GMDS: variants seen among roughly 807,000 people sequenced by gnomAD.
GMDS encodes GDP-mannose 4,6-dehydratase.
Under a neutral mutation model 49.9 loss-of-function variants are expected in GMDS, and 20 were observed. The ratio of observed to expected loss-of-function variants is 0.40; its 90% CI spans 0.28 to 0.58. The LOEUF (loss-of-function observed/expected upper bound fraction) is 0.58. GMDS is among the 20% of genes least tolerant of loss of function. GMDS has a pLI of 0.42. For synonymous variants in GMDS, 177 were observed against 178.6 expected, an observed-to-expected ratio of 0.99 and a Z score of 0.07; for missense variants, 362 against 481.4, an observed-to-expected ratio of 0.75 and a Z score of 2.32.
rs142673164 is a variant in GMDS, at chr6:1,874,964, C to T, written c.771+55139G>A. ...TTTAATGTTATTTTACAAATGTATG[C>T]GTAGCTATTCAGTAAATTAAACATT... On this transcript the variant is annotated intron_variant, in intron 7 of 10. Coordinates refer to ENST00000380815, the MANE Select transcript of GMDS (RefSeq NM_001500.4). Among the ~76,000 whole-genome samples the T allele has an allele frequency of 7.1e-3, 1,082 of 152,276 alleles. 5 individuals are homozygous for T. The highest frequency in any genetic ancestry group is 0.011 in the Non-Finnish European group (775 of 68,014).
In GMDS at chr6:1,668,821, C is replaced by A. The variant is rs948708961; in HGVS notation, c.988-44281G>T. 2.6e-5 allele frequency among the ~76,000 whole-genome samples: 4 copies of A among 152,154 alleles called. No homozygotes were observed. In the South Asian group the frequency reaches 8.3e-4, roughly 32 times the overall value. ...ACAATGCTACGAATTTAGAAATAAA[C>A]TTTCTTGAAATATGTGTAAAGATGT... On this transcript the variant is annotated intron_variant, in intron 9 of 10. Transcript: ENST00000380815.
intron 7 of GMDS, among the ~76,000 whole-genome samples, 161 bp downstream of exon 7, chr6:1,929,942 C>T (rs1179719249): frequency 3.3e-5 from 5 of 152,246 alleles, no homozygotes; most frequent in Admixed American, 6.5e-5. Flanking sequence ...AATCCCTGAA[C>T]GACTGATCCC....
chr6:2,112,904 C>T (rs190568401), intron 4 of GMDS, among the ~76,000 whole-genome samples: 31 of 152,178 alleles, frequency 2.0e-4, no homozygotes, highest in Admixed American at 1.3e-3. Flanking sequence ...ATCCCACCCT[C>T]TCACTATCAA....
intron 7 of GMDS, among the ~76,000 whole-genome samples, chr6:1,847,315 T>C (rs1018742154): frequency 7.9e-5 from 12 of 152,154 alleles, no homozygotes; most frequent in Admixed American, 7.2e-4. Context: ...CTTGGCCTCC[T>C]GAAGATTACA....
intron 1 of GMDS, among the ~76,000 whole-genome samples, chr6:2,144,018 G>A (rs3778558): frequency 0.046 from 7,030 of 152,170 alleles, 270 homozygotes; most frequent in South Asian, 0.13. Flanking sequence ...TGTGTCCATT[G>A]ACATATGTAA....
chr6:1,959,741 C>CA (rs1763835856), intron 6 of GMDS, 126 bp downstream of exon 6: 1 of 441,072 alleles, frequency 2.3e-6, no homozygotes, highest in African/African-American at 2.0e-5. Flanking sequence ...GCTGCTCTGA[C>CA]ATTCATCATA....
chr6:2,073,569 C>G (rs1191851228), intron 4 of GMDS, among the ~76,000 whole-genome samples: 1 of 152,150 alleles, frequency 6.6e-6, no homozygotes. Flanking sequence ...TACAGTCACC[C>G]TACCCTGCTA....
intron 1 of GMDS, among the ~76,000 whole-genome samples, chr6:2,225,180 A>T (rs192190836): frequency 0.017 from 2,620 of 150,876 alleles, 91 homozygotes; most frequent in African/African-American, 0.061. Context: ...AAAAAAAAAA[A>T]TTAGCTGGGC....
intron 4 of GMDS, among the ~76,000 whole-genome samples, chr6:2,032,834 A>T (rs1769053245): frequency 6.6e-6 from 1 of 152,184 alleles, no homozygotes; most frequent in Non-Finnish European, 1.5e-5. Context: ...TTTGGAATAC[A>T]ACCTGTGGTG....
In GMDS at chr6:2,176,108, C is replaced by T. The variant is rs147730689; in HGVS notation, c.103-51377G>A. The T allele has an allele frequency of 2.7e-5, 21 of 779,998 alleles. No individual in the cohort carries two copies. The African/African-American group carries it at 2.9e-4, about 11-fold the overall frequency. The allele number at this position is 779,998 out of a possible 1,614,324, so 48.3% of individuals were successfully genotyped here. A position where few individuals can be genotyped will look rare whatever the true frequency, so the allele number is the denominator to read the frequency against. ...GACAACATGTAATTCTGGTGTCCAG[C>T]CCCCCTTCTACAACCAGGGATGACT... On this transcript the variant is annotated intron_variant, in intron 1 of 10. Transcript: ENST00000380815.
chr6:1,657,872 A>G (rs960737444), intron 9 of GMDS, among the ~76,000 whole-genome samples: 2 of 151,588 alleles, frequency 1.3e-5, no homozygotes, highest in African/African-American at 2.4e-5. Context: ...AAAAAAAAGA[A>G]AAAGAAAATC....
intron 7 of GMDS, among the ~76,000 whole-genome samples, chr6:1,821,898 T>C (rs946017937): frequency 1.3e-4 from 20 of 152,086 alleles, no homozygotes; most frequent in Admixed American, 9.8e-4. Flanking sequence ...AGTGCAATGC[T>C]GGTATGCAAA....
chr6:2,048,705 A>C (rs906422156), intron 4 of GMDS, among the ~76,000 whole-genome samples: 22 of 152,056 alleles, frequency 1.4e-4, no homozygotes, highest in African/African-American at 5.1e-4. Flanking sequence ...ATTTCCTCTC[A>C]ATAATGTTTT....
At chr6:2,221,350 A>G (rs1477925629) in intron 1 of GMDS, among the ~76,000 whole-genome samples, 3 of 152,080 alleles carry the variant, frequency 2.0e-5, no homozygotes, top group Non-Finnish European at 4.4e-5. Context: ...CTTAAACACA[A>G]TATTACATTA....
chr6:2,028,908 T>G (rs1768780179), intron 4 of GMDS, among the ~76,000 whole-genome samples: 1 of 152,098 alleles, frequency 6.6e-6, no homozygotes, highest in Non-Finnish European at 1.5e-5. Flanking sequence ...TCCATGCCAA[T>G]AATGTTTTGG....
At position 1,821,851 on chromosome 6, in the gene GMDS, G is replaced by C. The variant is rs989901349; in HGVS notation, c.772-79265C>G. Among the ~76,000 whole-genome samples the C allele has an allele frequency of 7.2e-5, 11 of 152,208 alleles. No individual in the cohort carries two copies. The South Asian group carries it at 2.3e-3, about 32-fold the overall frequency. ...AGTGGCGGGCTCAGTCTTGCGGCGG[G>C]GGAGGGGACGCCAATTCTGCATGCA... On this transcript the variant is annotated intron_variant, in intron 7 of 10. Transcript: ENST00000380815.
chr6:1,993,517 A>G (rs1014440731), intron 4 of GMDS, among the ~76,000 whole-genome samples: 1 of 152,240 alleles, frequency 6.6e-6, no homozygotes, highest in Non-Finnish European at 1.5e-5. Flanking sequence ...AGCTGCTAAA[A>G]GAAAAAAGAA....
chr6:2,152,955 C>T (rs1562101797), intron 1 of GMDS, among the ~76,000 whole-genome samples: 1 of 152,110 alleles, frequency 6.6e-6, no homozygotes, highest in Non-Finnish European at 1.5e-5. Context: ...TGGTGGGCGC[C>T]TGTAATCCCA....
chr6:1,891,571 C>T (rs1430056941), intron 7 of GMDS, among the ~76,000 whole-genome samples: 1 of 152,180 alleles, frequency 6.6e-6, no homozygotes, highest in Non-Finnish European at 1.5e-5. Context: ...CCTAATTTAA[C>T]AAGAGAGGCT....
Sources: gnomAD v4.1 joint callset for allele counts (sites outside exome capture counted in the v4.1 genomes callset) on GRCh38, gnomAD v4.1.1 for gene constraint, MANE v1.5 for transcripts, NCBI Gene and HGNC (gene_info 2026-07-23, HGNC 2026-07-21) for gene names.